Variants in TDP1 observed in about 807,000 individuals in gnomAD.
The protein encoded by TDP1 is tyrosyl-DNA phosphodiesterase 1.
A neutral mutation model predicts 81.5 loss-of-function variants in TDP1; 64 were observed. The observed-to-expected ratio is 0.79, with a 90% confidence interval of 0.64 to 0.97. The LOEUF is 0.97. Among genes scored for constraint, TDP1 ranks in the 50% least tolerant of loss-of-function variants. TDP1 has a pLI of 0.00. For missense variants in TDP1, 723 were observed against 743.8 expected, an observed-to-expected ratio of 0.97 and a Z score of 0.33; for synonymous variants, 256 against 264.3, an observed-to-expected ratio of 0.97 and a Z score of 0.30.
At chr14:90,019,854 T>A (rs1346966049) in intron 15 of TDP1, among the ~76,000 whole-genome samples, 1 of 152,084 alleles carries the variant, frequency 6.6e-6, no homozygotes, top group East Asian at 1.9e-4. Context: ...GGATGTAGGC[T>A]GTATAGAGAG....
rs35834338 is a variant in TDP1 at position 90,037,789 on chromosome 14, CTG to C, written c.1753+4577_1753+4578del. ...ATCAGCAGTTAACATTGATCCAAAA[CTG>C]TATTCAAATTTCATCAGTTTCCTCA... is the stretch of plus-strand genomic sequence containing the variant. On this transcript the variant is annotated intron_variant, in intron 16 of 16. Coordinates refer to ENST00000335725, the MANE Select transcript of TDP1 (RefSeq NM_018319.4). 1.6e-3 allele frequency among the ~76,000 whole-genome samples: 240 copies of C among 152,286 alleles called. 1 individual carries two copies. The highest frequency in any genetic ancestry group is 5.5e-3 in the African/African-American group (229 of 41,552).
In TDP1 at chr14:89,968,692, C is replaced by T. The variant is rs182453888; in HGVS notation, c.659+1270C>T. On this transcript the variant is annotated intron_variant, in intron 5 of 16. Coordinates refer to ENST00000335725, the MANE Select transcript of TDP1 (RefSeq NM_018319.4). ...ACAAGCAGTTTCTGCCTTGGCTCCT[C>T]CTCGCAGTAGTATCCTTGGGTGTCA... Among the ~76,000 whole-genome samples the T allele has an allele frequency of 5.6e-4, 85 of 152,330 alleles. 1 individual carries two copies. The highest frequency in any genetic ancestry group is 2.9e-3 in the East Asian group (15 of 5,174).
At chr14:90,005,524 T>C (rs1897597197) in intron 14 of TDP1, among the ~76,000 whole-genome samples, 2 of 152,214 alleles carry the variant, frequency 1.3e-5, no homozygotes, top group African/African-American at 4.8e-5. Context: ...GTGAGGTGCA[T>C]TAAAATTTAC....
chr14:89,985,168 A>G lies in TDP1; in HGVS notation c.1089A>G (p.Gln363=), dbSNP rs775646756. 6.2e-7 allele frequency: 1 copy of G among 1,611,590 alleles called. No homozygotes were observed. The highest frequency in any genetic ancestry group is 1.1e-5 in the South Asian group (1 of 90,634). Residue 363 remains glutamine, a synonymous_variant, in exon 10 of 17, where the codon CAA becomes CAG. Transcript: ENST00000335725. Reference sequence around the variant, plus strand: ...TTGGTTCAACCCCAGGACGCTTTCAAGGAAGTCAAAAAGATAATTGGGGAC... The same window carrying G: ...TTGGTTCAACCCCAGGACGCTTTCAGGGAAGTCAAAAAGATAATTGGGGAC... The part of the protein sequence containing the change: ...YLIGSTPGRF[Q]GSQKDNWGHF...
At chr14:89,959,915 C>T (rs778799303) in intron 2 of TDP1, among the ~76,000 whole-genome samples, 3 of 152,104 alleles carry the variant, frequency 2.0e-5, no homozygotes, top group Non-Finnish European at 2.9e-5. Context: ...GTTATGGTAG[C>T]CTCTTAAGAT....
At chr14:90,033,017 A>C in intron 15 of TDP1, 89 bp from the exon 16 acceptor site, 1 of 1,173,258 alleles carries the variant, frequency 8.5e-7, no homozygotes, top group Non-Finnish European at 1.2e-6. Context: ...GGTACCATAA[A>C]GATATTATTG....
At chr14:90,043,046 T>C (rs760336057) in intron 16 of TDP1, 24 bp from the exon 17 acceptor site, 2 of 1,614,132 alleles carry the variant, frequency 1.2e-6, no homozygotes, top group Non-Finnish European at 8.5e-7. Context: ...CAAATAAATA[T>C]TACGTAATGT....
chr14:89,988,560 T>C (rs1219156853), intron 10 of TDP1: 3 of 975,184 alleles, frequency 3.1e-6, no homozygotes, highest in Non-Finnish European at 3.7e-6. Context: ...TAAACACTTG[T>C]GATTTCAAGT....
At chr14:89,997,466 T>G (rs1367338021) in intron 14 of TDP1, among the ~76,000 whole-genome samples, 1 of 152,186 alleles carries the variant, frequency 6.6e-6, no homozygotes, top group Non-Finnish European at 1.5e-5. Context: ...AGTGGGATGA[T>G]GGTGAATTTG....
At chr14:90,027,445 C>G (rs1005280757) in intron 15 of TDP1, among the ~76,000 whole-genome samples, 3 of 152,042 alleles carry the variant, frequency 2.0e-5, no homozygotes, top group African/African-American at 7.2e-5. Context: ...CCACTGTGAG[C>G]TGGAACAGCA....
At chr14:89,956,158 G>A (rs879767772) in intron 1 of TDP1, 188 bp downstream of exon 1, 1 of 152,222 alleles carries the variant, frequency 6.6e-6, no homozygotes, top group Admixed American at 6.5e-5. Flanking sequence ...CCGGGGCCTC[G>A]GTTTCCTCCG....
intron 12 of TDP1, 48 bp from the exon 13 acceptor site, chr14:89,991,869 C>T: frequency 6.5e-7 from 1 of 1,543,422 alleles, no homozygotes; most frequent in African/African-American, 1.4e-5. Flanking sequence ...ATGAGGGATC[C>T]TCAAATTATA....
At chr14:89,986,022 G>A (rs543660420) in intron 10 of TDP1, among the ~76,000 whole-genome samples, 13 of 152,318 alleles carry the variant, frequency 8.5e-5, no homozygotes, top group South Asian at 6.2e-4. Context: ...GCGAGACTCC[G>A]TCTCAAAAAA....
At chr14:90,027,232 A>G (rs1886767299) in intron 15 of TDP1, among the ~76,000 whole-genome samples, 1 of 152,050 alleles carries the variant, frequency 6.6e-6, no homozygotes, top group Non-Finnish European at 1.5e-5. Flanking sequence ...ATTCCTGGCA[A>G]GAATTTCTCT....
intron 6 of TDP1, among the ~76,000 whole-genome samples, chr14:89,973,796 A>T (rs542558936): frequency 6.6e-6 from 1 of 152,082 alleles, no homozygotes; most frequent in East Asian, 1.9e-4. Flanking sequence ...AACAACAGAC[A>T]CTTATTTCTC....
At chr14:90,008,548 A>G (rs935756960) in intron 14 of TDP1, among the ~76,000 whole-genome samples, 10 of 152,240 alleles carry the variant, frequency 6.6e-5, no homozygotes, top group African/African-American at 2.4e-4. Context: ...AAGTAAGTAT[A>G]GTAATAGAAT....
intron 6 of TDP1, among the ~76,000 whole-genome samples, chr14:89,973,084 C>G (rs980359132): frequency 6.6e-6 from 1 of 152,166 alleles, no homozygotes; most frequent in East Asian, 1.9e-4. Context: ...TACCTCACAA[C>G]ATTTTCCTTA....
At chr14:90,031,055 G>A (rs775139031) in intron 15 of TDP1, among the ~76,000 whole-genome samples, 7 of 151,904 alleles carry the variant, frequency 4.6e-5, no homozygotes, top group Non-Finnish European at 1.0e-4. Context: ...TTACAGGTGT[G>A]AACCACCACA....
At chr14:90,025,387 AT>A (rs892223109) in intron 15 of TDP1, among the ~76,000 whole-genome samples, 3 of 151,820 alleles carry the variant, frequency 2.0e-5, no homozygotes, top group Admixed American at 2.0e-4. Flanking sequence ...ATGTGTTCCT[AT>A]TTTTTTTCTT....
Sources: gnomAD v4.1 joint callset for allele counts (sites outside exome capture counted in the v4.1 genomes callset) on GRCh38, gnomAD v4.1.1 for gene constraint, MANE v1.5 for transcripts, NCBI Gene and HGNC (gene_info 2026-07-23, HGNC 2026-07-21) for gene names.